ACTN1: variants seen among roughly 807,000 people sequenced by gnomAD.
The protein encoded by ACTN1 is actinin alpha 1, also known as alpha-actinin-1.
A neutral mutation model predicts 119.6 loss-of-function variants in ACTN1; 30 were observed. That is an observed-to-expected ratio of 0.25 (90% confidence interval 0.19 to 0.34). The LOEUF is 0.34. Ranked by LOEUF, ACTN1 falls within the 10% of genes least tolerant of loss-of-function variation. ACTN1 has a pLI of 1.00. For missense variants in ACTN1, 764 were observed against 1,223.4 expected (o/e 0.62, Z 5.60); for synonymous variants, 429 against 472.6 (o/e 0.91, Z 1.20).
intron 1 of ACTN1, 127 bp downstream of exon 1, chr14:68,978,825 G>T (rs1042919360): frequency 1.4e-5 from 8 of 553,194 alleles, no homozygotes; most frequent in Non-Finnish European, 2.0e-5. Context: ...CGGCCGCACC[G>T]CCCCCGCCCC....
chr14:68,911,824 T>C (rs969861242), intron 4 of ACTN1, among the ~76,000 whole-genome samples: 3 of 152,178 alleles, frequency 2.0e-5, no homozygotes, highest in Non-Finnish European at 2.9e-5. Flanking sequence ...GCGCCCCTCC[T>C]GGTCCTTCCT....
chr14:68,931,617 GCATGTGACTTGACTTCTC>G (rs2035224753), intron 1 of ACTN1, among the ~76,000 whole-genome samples: 1 of 152,178 alleles, frequency 6.6e-6, no homozygotes, highest in Non-Finnish European at 1.5e-5. Context: ...GTGACCTTGT[GCATGTGACTTGACTTCTC>G]CAAGCCTCCA....
At chr14:68,964,200 G>A (rs1288895602) in intron 1 of ACTN1, among the ~76,000 whole-genome samples, 1 of 152,164 alleles carries the variant, frequency 6.6e-6, no homozygotes, top group East Asian at 1.9e-4. Context: ...TACACTTGAA[G>A]GCCCCCATGC....
At chr14:68,881,984 G>A (rs2031576048) in intron 16 of ACTN1, among the ~76,000 whole-genome samples, 1 of 125,394 alleles carries the variant, frequency 8.0e-6, no homozygotes, top group Non-Finnish European at 1.6e-5. Context: ...TGCCCAAGCT[G>A]CAGTGCAATG....
chr14:68,971,020 C>T (rs961330917), intron 1 of ACTN1, among the ~76,000 whole-genome samples: 1 of 152,186 alleles, frequency 6.6e-6, no homozygotes, highest in Non-Finnish European at 1.5e-5. Context: ...GTTAAAAATG[C>T]GCCACAATGA....
intron 1 of ACTN1, among the ~76,000 whole-genome samples, chr14:68,949,266 C>T (rs1344364870): frequency 1.3e-5 from 2 of 152,182 alleles, no homozygotes; most frequent in African/African-American, 4.8e-5. Flanking sequence ...CGTGCCTCCC[C>T]AGGGCTCCCA....
intron 3 of ACTN1, among the ~76,000 whole-genome samples, chr14:68,912,538 G>T (rs187116535): frequency 6.6e-6 from 1 of 151,984 alleles, no homozygotes; most frequent in Non-Finnish European, 1.5e-5. Flanking sequence ...CACCACACCC[G>T]GCTAATTTTT....
intron 1 of ACTN1, among the ~76,000 whole-genome samples, chr14:68,972,367 G>A (rs1034161172): frequency 2.0e-5 from 3 of 152,268 alleles, no homozygotes; most frequent in African/African-American, 7.2e-5. Flanking sequence ...ACACAAACAG[G>A]GGAAGAGGGA....
Position 68,900,371 on chromosome 14 carries a change from C to G in ACTN1, c.762+2106G>C, listed in dbSNP as rs532488825. 1.4e-3 allele frequency among the ~76,000 whole-genome samples: 210 copies of G among 152,100 alleles called. 1 individual carries two copies. The highest frequency in any genetic ancestry group is 4.9e-3 in the African/African-American group (204 of 41,494). On this transcript the variant is annotated intron_variant, in intron 8 of 21. Coordinates refer to ENST00000394419, the MANE Select transcript of ACTN1 (RefSeq NM_001130004.2). ...CAACCTGCACAACTGTCCATGGCAG[C>G]CTGGTTGAGAAGCATCAGGCAGGGC...
intron 8 of ACTN1, 33 bp downstream of exon 8, chr14:68,902,444 C>T (rs779166073): frequency 1.9e-6 from 3 of 1,575,660 alleles, no homozygotes; most frequent in Non-Finnish European, 2.6e-6. Flanking sequence ...AGGAGGTGTG[C>T]TGGGCATGGA....
In ACTN1 at chr14:68,880,158, C is replaced by T; in HGVS notation, c.2134-50G>A. The T allele has an allele frequency of 6.3e-7, 1 of 1,589,918 alleles. No homozygotes were observed. Among genetic ancestry groups the T allele is most frequent in the Non-Finnish European group, 8.6e-7 (1 of 1,166,950 alleles). On this transcript the variant is annotated intron_variant, in intron 17 of 21. Coordinates refer to ENST00000394419, the MANE Select transcript of ACTN1 (RefSeq NM_001130004.2). This position sits in a 1 kb window ranked among gnomAD's most constrained non-coding sequence, Gnocchi z 4.6. ...AGCAAAGGGGTCCCAGGCCTGGGCT[C>T]CTGGCGGCCCCTGCCCATCCTACTC...
chr14:68,975,201 T>C (rs1239495614), intron 1 of ACTN1, among the ~76,000 whole-genome samples: 2 of 152,200 alleles, frequency 1.3e-5, no homozygotes, highest in East Asian at 1.9e-4. Context: ...GTGGGCCTTA[T>C]TCACAACCAC....
At chr14:68,926,873 G>C (rs2034953137) in intron 1 of ACTN1, among the ~76,000 whole-genome samples, 2 of 152,104 alleles carry the variant, frequency 1.3e-5, no homozygotes, top group Non-Finnish European at 2.9e-5. Context: ...TAGCTGCTTA[G>C]ATTTAGGAGC....
intron 8 of ACTN1, among the ~76,000 whole-genome samples, chr14:68,894,786 C>T (rs559465611): frequency 2.3e-4 from 35 of 151,966 alleles, no homozygotes; most frequent in Admixed American, 4.6e-4. Context: ...AAAAATGATC[C>T]CTGGATTAAC....
intron 16 of ACTN1, among the ~76,000 whole-genome samples, chr14:68,881,936 C>CCTTTTTTTTTTTTTT (rs2031552165): frequency 1.7e-5 from 1 of 58,394 alleles, no homozygotes; most frequent in African/African-American, 1.1e-4. Context: ...TAGGCAGCTT[C>CCTTTTTTTTTTTTTT]TTTTTTTTTT....
chr14:68,923,832 A>T (rs1227729957), intron 2 of ACTN1, among the ~76,000 whole-genome samples: 1 of 152,208 alleles, frequency 6.6e-6, no homozygotes, highest in Non-Finnish European at 1.5e-5. Context: ...CACAATACCC[A>T]AAAGGTAGAA....
chr14:68,916,718 C>T (rs2034314452), intron 3 of ACTN1, among the ~76,000 whole-genome samples: 2 of 151,858 alleles, frequency 1.3e-5, no homozygotes, highest in South Asian at 2.1e-4. Flanking sequence ...GTTCCAAGGC[C>T]ACAACTGGGC....
intron 21 of ACTN1, 83 bp from the exon 22 acceptor site, chr14:68,875,100 G>T: frequency 2.5e-5 from 39 of 1,581,086 alleles, no homozygotes; most frequent in Non-Finnish European, 3.3e-5. Context: ...AAAGCCTGGC[G>T]GCGTGAAGGC....
In ACTN1 at chr14:68,879,760, A is replaced by G. The variant is rs1594751211; in HGVS notation, c.2280+202T>C. The G allele has an allele frequency of 4.8e-6, 3 of 622,246 alleles. No homozygotes were observed. The East Asian group carries it at 9.0e-5, about 19-fold the overall frequency. 38.5% of individuals were successfully genotyped at this position (622,246 alleles called of 1,614,324 possible). A position where few individuals can be genotyped will look rare whatever the true frequency, so the allele number is the denominator to read the frequency against. ...ACAGTCTGAACACTCTCTCCCGGAA[A>G]GCAGGGAAGCTTATGGGGCACCAAC... On this transcript the variant is annotated intron_variant, in intron 18 of 21. Coordinates refer to ENST00000394419, the MANE Select transcript of ACTN1 (RefSeq NM_001130004.2). The surrounding 1 kb of genome is among the most constrained non-coding windows in gnomAD (Gnocchi z 4.9).
Sources: allele counts gnomAD v4.1 joint callset (sites outside exome capture counted in the v4.1 genomes callset), GRCh38; gene constraint gnomAD v4.1.1; non-coding constraint Gnocchi (gnomAD v3.1); transcripts MANE v1.5; gene names NCBI Gene and HGNC (gene_info 2026-07-23, HGNC 2026-07-21).